The following EGF variants were observed in gnomAD, a reference collection of about 807,000 sequenced individuals.
EGF encodes the protein epidermal growth factor.
Under a neutral mutation model 143.8 loss-of-function variants are expected in EGF, and 95 were observed. That is an observed-to-expected ratio of 0.66 (90% CI 0.56 to 0.78). The LOEUF (loss-of-function observed/expected upper bound fraction) is 0.78, where lower values mean the gene tolerates loss of function less well. Among genes scored for constraint, EGF ranks in the 30% least tolerant of loss-of-function variants. The pLI, the probability that EGF is intolerant of heterozygous loss-of-function variation, is 0.00. For synonymous variants in EGF, 510 were observed against 510.5 expected, an observed-to-expected ratio of 1.00 and a Z score of 0.01; for missense variants, 1,320 against 1,470.9, an observed-to-expected ratio of 0.90 and a Z score of 1.68.
intron 13 of EGF, 100 bp from the exon 14 acceptor site, chr4:109,979,872 T>C: frequency 7.1e-7 from 1 of 1,403,248 alleles, no homozygotes; most frequent in Non-Finnish European, 9.9e-7. Context: ...AAGAGCTGAT[T>C]TAGTGTAGGA....
At chr4:109,966,915 T>G (rs1746700522) in intron 10 of EGF, among the ~76,000 whole-genome samples, 1 of 152,200 alleles carries the variant, frequency 6.6e-6, no homozygotes, top group African/African-American at 2.4e-5. Flanking sequence ...TCGGGTTGTT[T>G]GAGTTCCTTA....
intron 1 of EGF, among the ~76,000 whole-genome samples, chr4:109,933,948 T>A (rs1740286058): frequency 6.6e-6 from 1 of 152,162 alleles, no homozygotes; most frequent in African/African-American, 2.4e-5. Flanking sequence ...AGTAATGGGA[T>A]TGCTGGGTCA....
At chr4:109,979,634 A>C (rs1749028908) in intron 13 of EGF, among the ~76,000 whole-genome samples, 1 of 152,222 alleles carries the variant, frequency 6.6e-6, no homozygotes, top group Non-Finnish European at 1.5e-5. Flanking sequence ...TTAGTCTATA[A>C]GTAGCGACAG....
intron 1 of EGF, among the ~76,000 whole-genome samples, chr4:109,929,201 T>C (rs1739261661): frequency 6.6e-6 from 1 of 152,196 alleles, no homozygotes. Flanking sequence ...CAGTATAGCT[T>C]GGTCTTTAAA....
chr4:109,982,310 A>AT (rs952638412), intron 15 of EGF, among the ~76,000 whole-genome samples: 89 of 142,434 alleles, frequency 6.2e-4, no homozygotes, highest in African/African-American at 1.8e-3. Context: ...TGCCCAGCCA[A>AT]TTTTTTTTTC....
In EGF at chr4:110,013,066, C is replaced by A. The variant is rs2126209483; in HGVS notation, c.*1611C>A. ...TAGTTAATTATTCAGTATGATACCT[C>A]ACCCAGCTAATTTAGATTTTTCTAT... is the stretch of plus-strand genomic sequence containing the variant. On this transcript the variant is annotated 3_prime_UTR_variant, in exon 24 of 24. Transcript: ENST00000265171. Among the ~76,000 whole-genome samples the A allele has an allele frequency of 6.6e-6, 1 of 152,280 alleles. No homozygotes were observed. The highest frequency in any genetic ancestry group is 2.4e-5 in the African/African-American group (1 of 41,550).
At chr4:109,934,884 T>G (rs1740476328) in intron 1 of EGF, among the ~76,000 whole-genome samples, 1 of 152,126 alleles carries the variant, frequency 6.6e-6, no homozygotes, top group South Asian at 2.1e-4. Context: ...ATGTGTGGTG[T>G]TATTTCTGAG....
intron 22 of EGF, among the ~76,000 whole-genome samples, chr4:110,007,585 C>T (rs1410721038): frequency 6.6e-6 from 1 of 152,200 alleles, no homozygotes; most frequent in Non-Finnish European, 1.5e-5. Context: ...ATTTTGTTGA[C>T]TGAAGAGAAA....
intron 9 of EGF, among the ~76,000 whole-genome samples, chr4:109,964,088 G>A (rs1325712827): frequency 6.6e-6 from 1 of 152,176 alleles, no homozygotes; most frequent in East Asian, 1.9e-4. Flanking sequence ...TCAAGAAGAT[G>A]TATAACCCTA....
At position 109,974,554 on chromosome 4, in the gene EGF, G is replaced by A; in HGVS notation, c.1725-149G>A. The A allele has an allele frequency of 6.3e-6, 4 of 630,212 alleles. No individual in the cohort carries two copies. The South Asian group carries it at 6.9e-5, about 11-fold the overall frequency. The allele number at this position is 630,212 out of a possible 1,614,324, so 39.0% of individuals were successfully genotyped here. ...CTACTTTGTTTGTGGGTGGGGGAGA[G>A]AGAAAGAGTAAGAGATAGGGAGAGA... On this transcript the variant is annotated intron_variant, in intron 11 of 23. Transcript: ENST00000265171.
chr4:110,009,836 C>A (rs1225773544), intron 23 of EGF, among the ~76,000 whole-genome samples: 1 of 152,198 alleles, frequency 6.6e-6, no homozygotes, highest in African/African-American at 2.4e-5. Context: ...TTCCATAAAA[C>A]CATCTTCACT....
chr4:109,968,425 CT>C (rs1746956623), intron 10 of EGF, among the ~76,000 whole-genome samples: 1 of 152,114 alleles, frequency 6.6e-6, no homozygotes, highest in South Asian at 2.1e-4. Flanking sequence ...CTGAGCCCAG[CT>C]TGTAGCCCTC....
Position 110,011,638 on chromosome 4 carries a change from C to A in EGF, c.*183C>A. Reference sequence around the variant, plus strand: ...TTTGCTCTTTTAAGCAGTCTCACTGCAGTCTTATTTCCAAGTAAGAGTACT... The same window carrying A: ...TTTGCTCTTTTAAGCAGTCTCACTGAAGTCTTATTTCCAAGTAAGAGTACT... On this transcript the variant is annotated 3_prime_UTR_variant, in exon 24 of 24. Coordinates refer to ENST00000265171, the MANE Select transcript of EGF (RefSeq NM_001963.6). 3 of 907,222 alleles carry A rather than the reference C, an allele frequency of 3.3e-6. No individual in the cohort carries two copies. The highest frequency in any genetic ancestry group is 4.9e-6 in the Non-Finnish European group (3 of 611,042). 56.2% of individuals were successfully genotyped at this position (907,222 alleles called of 1,614,324 possible).
At chr4:109,946,906 G>A (rs936342409) in intron 5 of EGF, among the ~76,000 whole-genome samples, 1 of 152,030 alleles carries the variant, frequency 6.6e-6, no homozygotes, top group Non-Finnish European at 1.5e-5. Context: ...ATCCCTTGAG[G>A]TCAGGAGTTC....
intron 18 of EGF, among the ~76,000 whole-genome samples, chr4:109,989,064 T>C (rs1388269326): frequency 1.3e-5 from 2 of 152,074 alleles, no homozygotes; most frequent in African/African-American, 4.8e-5. Flanking sequence ...GTGAATTTGG[T>C]AAGAGAAATG....
chr4:109,951,349 C>T (rs1307740964), intron 5 of EGF, among the ~76,000 whole-genome samples: 2 of 151,918 alleles, frequency 1.3e-5, no homozygotes, highest in Non-Finnish European at 2.9e-5. Flanking sequence ...CAGAGCAAGA[C>T]TCCGTCTCAA....
chr4:109,976,306 T>TAC (rs35111701), intron 13 of EGF, 71 bp downstream of exon 13: 12,731 of 1,272,816 alleles, frequency 0.01, 91 homozygotes, highest in Non-Finnish European at 0.011. Context: ...AAAATATGTT[T>TAC]ACACACACAC....
intron 1 of EGF, among the ~76,000 whole-genome samples, chr4:109,919,281 TTCTCTGTCTC>T (rs1560622788): frequency 2.1e-4 from 24 of 116,632 alleles, no homozygotes; most frequent in Non-Finnish European, 2.8e-4. Flanking sequence ...GAATGCATGC[TTCTCTGTCTC>T]TCTCTCTCTC....
intron 5 of EGF, among the ~76,000 whole-genome samples, chr4:109,954,786 C>T (rs1744533871): frequency 6.6e-6 from 1 of 152,148 alleles, no homozygotes; most frequent in East Asian, 1.9e-4. Flanking sequence ...AGGGGGATTA[C>T]AGTCAAAGGG....
Sources: allele counts gnomAD v4.1 joint callset (sites outside exome capture counted in the v4.1 genomes callset), GRCh38; gene constraint gnomAD v4.1.1; transcripts MANE v1.5; gene names NCBI Gene and HGNC (gene_info 2026-07-23, HGNC 2026-07-21).